The following PLCE1 variants were observed in gnomAD, a reference collection of about 807,000 sequenced individuals.
PLCE1 encodes the protein 1-phosphatidylinositol 4,5-bisphosphate phosphodiesterase epsilon-1.
A neutral mutation model predicts 242.8 loss-of-function variants in PLCE1; 119 were observed. That is an observed-to-expected ratio of 0.49 (90% CI 0.42 to 0.57). The LOEUF (loss-of-function observed/expected upper bound fraction) is 0.57, where lower values mean the gene tolerates loss of function less well. PLCE1 is among the 20% of genes least tolerant of loss of function. The probability of loss-of-function intolerance (pLI) is 0.00; values close to 1 mark genes in which losing one functional copy is unlikely to be tolerated. For synonymous variants in PLCE1, 945 were observed against 1,017.4 expected (o/e 0.93, Z 1.35); for missense variants, 2,441 against 2,788.8 (o/e 0.88, Z 2.81).
chr10:94,202,861 C>T (rs2049027596), intron 4 of PLCE1, among the ~76,000 whole-genome samples: 1 of 152,166 alleles, frequency 6.6e-6, no homozygotes, highest in Admixed American at 6.5e-5. Flanking sequence ...AGTACCAGTA[C>T]CTGTTCAGTG....
At chr10:94,233,967 A>C (rs1285247389) in intron 5 of PLCE1, 87 bp from the exon 6 acceptor site, 1 of 1,254,770 alleles carries the variant, frequency 8.0e-7, no homozygotes, top group Non-Finnish European at 1.1e-6. Context: ...AATGGTAAAA[A>C]GAATGAATTT....
At chr10:94,137,274 C>G (rs1270640123) in intron 3 of PLCE1, among the ~76,000 whole-genome samples, 3 of 152,138 alleles carry the variant, frequency 2.0e-5, no homozygotes. Flanking sequence ...AGGACTAACA[C>G]CTTATAGCAG....
At chr10:94,279,750 A>G (rs764654990) in intron 19 of PLCE1, 32 bp from the exon 20 acceptor site, 1 of 1,610,700 alleles carries the variant, frequency 6.2e-7, no homozygotes, top group Non-Finnish European at 8.5e-7. Context: ...TTAACTTGGC[A>G]TCTGCAGTTT....
intron 24 of PLCE1, among the ~76,000 whole-genome samples, chr10:94,301,785 T>A (rs1197462923): frequency 6.6e-6 from 1 of 152,204 alleles, no homozygotes; most frequent in African/African-American, 2.4e-5. Context: ...TCTAAGTTCT[T>A]TGCATCTGAG....
At chr10:94,291,114 C>T (rs1159463747) in intron 22 of PLCE1, among the ~76,000 whole-genome samples, 3 of 152,102 alleles carry the variant, frequency 2.0e-5, no homozygotes, top group Non-Finnish European at 4.4e-5. Context: ...AAGGAAGATA[C>T]CATCATATGC....
intron 4 of PLCE1, among the ~76,000 whole-genome samples, chr10:94,194,584 C>T (rs951119267): frequency 6.6e-6 from 1 of 152,210 alleles, no homozygotes; most frequent in African/African-American, 2.4e-5. Flanking sequence ...AGACAGTAGC[C>T]CTGGGTAAGA....
intron 2 of PLCE1, among the ~76,000 whole-genome samples, chr10:94,037,924 A>T (rs1426544594): frequency 6.6e-6 from 1 of 151,964 alleles, no homozygotes; most frequent in Non-Finnish European, 1.5e-5. Flanking sequence ...CAGCATTAGG[A>T]TTATTATTAT....
chr10:94,094,579 A>G (rs534520406), intron 2 of PLCE1: 2 of 152,384 alleles, frequency 1.3e-5, no homozygotes, highest in South Asian at 2.1e-4. Context: ...TAGCCCTCAC[A>G]TGAAAGTTGG....
intron 4 of PLCE1, among the ~76,000 whole-genome samples, chr10:94,178,135 C>T (rs60208943): frequency 0.17 from 26,412 of 152,210 alleles, 2,442 homozygotes; most frequent in South Asian, 0.33. Context: ...TGTCACCACC[C>T]ACACCACTTC....
chr10:94,252,435 T>A lies in PLCE1; in HGVS notation c.3216T>A (p.Asn1072Lys), dbSNP rs564249217. The change falls in exon 9 of 33, where the codon AAT (asparagine) becomes AAA (lysine). Residue 1072 changes from asparagine to lysine, a missense_variant. Asn to Lys is a moderately conservative substitution (Grantham distance 94, BLOSUM62 0). This residue lies in a region of PLCE1 where 1,004 missense variants were observed against 1,322.7 expected (regional missense o/e 0.76). Transcript: ENST00000371380. ...GTSAKNAEKP[N>K]MQRNNTLGIS... Reference sequence around the variant, plus strand: ...CAGCAAAGAATGCTGAGAAGCCCAATATGCAGAGAAACAATACCCTGGGCA... The same window carrying A: ...CAGCAAAGAATGCTGAGAAGCCCAAAATGCAGAGAAACAATACCCTGGGCA... 2 of 1,613,816 alleles carry A rather than the reference T, an allele frequency of 1.2e-6. No homozygotes were observed. Among genetic ancestry groups the A allele is most frequent in the Non-Finnish European group, 1.7e-6 (2 of 1,179,968 alleles).
rs530392135 is a variant in PLCE1 at position 94,182,371 on chromosome 10, A to T, written c.1809+10875A>T. Among the ~76,000 whole-genome samples the T allele has an allele frequency of 1.9e-3, 292 of 151,928 alleles. 1 individual carries two copies. The highest frequency in any genetic ancestry group is 3.5e-3 in the Middle Eastern group (1 of 288). On this transcript the variant is annotated intron_variant, in intron 4 of 32. Coordinates refer to ENST00000371380, the MANE Select transcript of PLCE1 (RefSeq NM_016341.4). ...AACCTCCGCCTCCCAGGTTCAAGCA[A>T]TTCTCGTGCCTCAGCCTCCCGAGTA...
chr10:94,190,299 A>G (rs931463257), intron 4 of PLCE1, among the ~76,000 whole-genome samples: 1 of 152,156 alleles, frequency 6.6e-6, no homozygotes, highest in Non-Finnish European at 1.5e-5. Flanking sequence ...TTAATTAATT[A>G]CGTTTTTTTA....
At chr10:94,173,361 T>G (rs1242188112) in intron 4 of PLCE1, among the ~76,000 whole-genome samples, 2 of 152,158 alleles carry the variant, frequency 1.3e-5, no homozygotes, top group African/African-American at 4.8e-5. Flanking sequence ...GCCCCAAAGT[T>G]GTTTTTAAAA....
At chr10:94,110,325 G>C (rs981217219) in intron 2 of PLCE1, among the ~76,000 whole-genome samples, 1 of 152,078 alleles carries the variant, frequency 6.6e-6, no homozygotes, top group African/African-American at 2.4e-5. Context: ...GCCTCCCAAA[G>C]TGCTGGGATT....
At chr10:94,253,923 G>GT (rs746988108) in intron 9 of PLCE1, among the ~76,000 whole-genome samples, 2 of 152,184 alleles carry the variant, frequency 1.3e-5, no homozygotes, top group Non-Finnish European at 2.9e-5. Flanking sequence ...CTGCTTCACA[G>GT]TTTTTTTCTG....
intron 4 of PLCE1, among the ~76,000 whole-genome samples, chr10:94,198,209 C>G (rs1181825476): frequency 6.6e-6 from 1 of 152,048 alleles, no homozygotes; most frequent in Non-Finnish European, 1.5e-5. Context: ...GGGATCAGCA[C>G]TTAGGGTTCC....
At chr10:94,321,533 CAGG>C (rs1455813819) in intron 29 of PLCE1, among the ~76,000 whole-genome samples, 1 of 151,214 alleles carries the variant, frequency 6.6e-6, no homozygotes, top group Non-Finnish European at 1.5e-5. Context: ...GAGGCTGAGG[CAGG>C]AGAATTGCTT....
intron 4 of PLCE1, among the ~76,000 whole-genome samples, chr10:94,194,417 C>G (rs1213257207): frequency 6.6e-6 from 1 of 152,188 alleles, no homozygotes; most frequent in African/African-American, 2.4e-5. Flanking sequence ...TAACCACATT[C>G]AAGGCTTGTC....
chr10:94,112,150 A>G (rs1325925555), intron 2 of PLCE1, among the ~76,000 whole-genome samples: 3 of 152,088 alleles, frequency 2.0e-5, no homozygotes, highest in Non-Finnish European at 2.9e-5. Flanking sequence ...TTTATTTTCC[A>G]TCCTGTATTA....
Sources: gnomAD v4.1 joint callset for allele counts (sites outside exome capture counted in the v4.1 genomes callset) on GRCh38, gnomAD v4.1.1 for gene constraint, gnomAD v4.1.1 regional missense constraint, MANE v1.5 for transcripts, NCBI Gene and HGNC (gene_info 2026-07-23, HGNC 2026-07-21) for gene names.